The following AKAP13 variants were observed in gnomAD, a reference collection of about 807,000 sequenced individuals.
AKAP13 encodes A-kinase anchor protein 13.
A neutral mutation model predicts 264.5 loss-of-function variants in AKAP13; 80 were observed. That is an observed-to-expected ratio of 0.30 (90% CI 0.25 to 0.36). The LOEUF is 0.36. Among genes scored for constraint, AKAP13 ranks in the 10% least tolerant of loss-of-function variants. The pLI is 1.00. For synonymous variants in AKAP13, 1,380 were observed against 1,250.2 expected, an observed-to-expected ratio of 1.10 and a Z score of -2.19; for missense variants, 3,712 against 3,435.2, an observed-to-expected ratio of 1.08 and a Z score of -2.01.
At position 85,579,385 on chromosome 15, in the gene AKAP13, G is replaced by C. The variant is rs377063800; in HGVS notation, c.1317G>C (p.Leu439=). Residue 439 remains leucine (L), a synonymous_variant, in exon 7 of 37, where the codon CTG becomes CTC. Coordinates refer to ENST00000394518, the MANE Select transcript of AKAP13 (RefSeq NM_007200.5). ...GAATGCCCACAGACCAGGAGTCCCT[G>C]AGCAGTGGAGATGCTGTGCTTCAGA... is the stretch of plus-strand genomic sequence containing the variant. ...SSGMPTDQES[L]SSGDAVLQRD... is the part of the protein sequence containing the mutation. The C allele has an allele frequency of 6.2e-7, 1 of 1,614,094 alleles. No homozygotes were observed. Among genetic ancestry groups the C allele is most frequent in the Non-Finnish European group, 8.5e-7 (1 of 1,180,048 alleles).
intron 1 of AKAP13, among the ~76,000 whole-genome samples, chr15:85,448,848 C>CTTTTTTTTTTT (rs368790274): frequency 7.7e-6 from 1 of 129,618 alleles, no homozygotes; most frequent in Non-Finnish European, 1.7e-5. Context: ...GCTATTCAGG[C>CTTTTTTTTTTT]TTTTTTTTTT....
At chr15:85,438,984 A>C (rs1319941126) in intron 1 of AKAP13, among the ~76,000 whole-genome samples, 32 of 145,480 alleles carry the variant, frequency 2.2e-4, no homozygotes, top group East Asian at 1.2e-3. Flanking sequence ...TAATTAAACT[A>C]AAGAGCTTCT....
intron 14 of AKAP13, among the ~76,000 whole-genome samples, chr15:85,674,291 C>A (rs1195918755): frequency 2.0e-5 from 3 of 152,136 alleles, no homozygotes; most frequent in Non-Finnish European, 4.4e-5. Context: ...GAAAATTCCA[C>A]ATATAAGGCC....
At chr15:85,543,381 A>G (rs1028559292) in intron 4 of AKAP13, among the ~76,000 whole-genome samples, 9 of 152,184 alleles carry the variant, frequency 5.9e-5, no homozygotes, top group African/African-American at 1.9e-4. Flanking sequence ...CTTGGACCTC[A>G]TGTTGTGGGG....
Position 85,684,729 on chromosome 15 carries a change from G to A in AKAP13, c.5157-12G>A. On this transcript the variant is annotated splice_polypyrimidine_tract_variant and intron_variant, in intron 15 of 36. Coordinates refer to ENST00000394518, the MANE Select transcript of AKAP13 (RefSeq NM_007200.5). ...CCCTTTAAAAAAAATCAATCTTCTT[G>A]TTTTTATTTAGTATAACAGAAGAGA... 6.2e-7 allele frequency: 1 copy of A among 1,600,122 alleles called. No homozygotes were observed. The highest frequency in any genetic ancestry group is 8.5e-7 in the Non-Finnish European group (1 of 1,175,962).
At chr15:85,587,033 C>G (rs1435312913) in intron 8 of AKAP13, among the ~76,000 whole-genome samples, 1 of 151,900 alleles carries the variant, frequency 6.6e-6, no homozygotes, top group African/African-American at 2.4e-5. Context: ...TCCACCCAAT[C>G]AAATAAAGTG....
At chr15:85,532,392 G>A (rs1465809425) in intron 3 of AKAP13, among the ~76,000 whole-genome samples, 1 of 152,216 alleles carries the variant, frequency 6.6e-6, no homozygotes, top group Admixed American at 6.5e-5. Context: ...TCAGTCGCAG[G>A]GACCATGTAG....
intron 12 of AKAP13, among the ~76,000 whole-genome samples, chr15:85,663,733 C>A (rs1040661594): frequency 6.6e-6 from 1 of 152,158 alleles, no homozygotes; most frequent in Non-Finnish European, 1.5e-5. Context: ...GTTAGCAACC[C>A]AAGGAGGTTA....
At chr15:85,602,813 C>A (rs953169858) in intron 8 of AKAP13, among the ~76,000 whole-genome samples, 1 of 152,176 alleles carries the variant, frequency 6.6e-6, no homozygotes, top group Non-Finnish European at 1.5e-5. Context: ...GAATCTTTTA[C>A]TCATGCATAA....
At chr15:85,667,260 C>G (rs952703856) in intron 13 of AKAP13, among the ~76,000 whole-genome samples, 1 of 152,134 alleles carries the variant, frequency 6.6e-6, no homozygotes, top group East Asian at 1.9e-4. Context: ...AACACTTATG[C>G]TTGTGTGAGA....
At chr15:85,448,168 C>G (rs1015605553) in intron 1 of AKAP13, among the ~76,000 whole-genome samples, 4 of 151,820 alleles carry the variant, frequency 2.6e-5, no homozygotes, top group Non-Finnish European at 5.9e-5. Flanking sequence ...ACATGTATGT[C>G]TTCTTTTGAG....
At chr15:85,627,008 C>A (rs929945422) in intron 8 of AKAP13, among the ~76,000 whole-genome samples, 1 of 152,110 alleles carries the variant, frequency 6.6e-6, no homozygotes, top group Non-Finnish European at 1.5e-5. Flanking sequence ...TGCACACTTA[C>A]TTTTGTCCTG....
rs1290597978 is a variant in AKAP13 at position 85,581,000 on chromosome 15, C to T, written c.2932C>T (p.Leu978Phe). Residue 978 changes from leucine (L) to phenylalanine (F), a missense_variant, in exon 7 of 37, where the codon CTT becomes TTT. Transcript: ENST00000394518. ...AGCTGACTGTGCCAAGGACAAAGCA[C>T]TTCAGCTAAGTAATTCACCGGGTGC... ...ISADCAKDKA[L>F]QLSNSPGASS... 4 of 1,613,798 alleles carry T rather than the reference C, an allele frequency of 2.5e-6. No individual in the cohort carries two copies. The highest frequency in any genetic ancestry group is 4.5e-5 in the East Asian group (2 of 44,898).
Position 85,693,310 on chromosome 15 carries a change from A to G in AKAP13, c.5323A>G (p.Lys1775Glu), listed in dbSNP as rs1418578214. 6.2e-7 allele frequency: 1 copy of G among 1,606,410 alleles called. No individual in the cohort carries two copies. The highest frequency in any genetic ancestry group is 1.3e-5 in the African/African-American group (1 of 74,212). ...KEKEKDKIKE[K>E]EKDSKDKEKD... ...AAAAGAAAAAGATAAGATTAAGGAG[A>G]AGGAGAAAGATTCTAAAGACAAGGA... Residue 1775 changes from lysine (K) to glutamate (E), a missense_variant, in exon 17 of 37, where the codon AAG becomes GAG. Physicochemically the swap from Lys to Glu is moderately conservative, Grantham distance 56. This residue lies in a region of AKAP13 where 2,759 missense variants were observed against 2,411.7 expected (regional missense o/e 1.14). Transcript: ENST00000394518.
chr15:85,743,800 C>T lies in AKAP13; in HGVS notation c.8367C>T (p.Asn2789=), dbSNP rs35368099. 1.2e-6 allele frequency: 2 copies of T among 1,611,498 alleles called. No homozygotes were observed. Among genetic ancestry groups the T allele is most frequent in the South Asian group, 1.1e-5 (1 of 90,952 alleles). The part of the protein sequence containing the change: ...PKEKKEKKKK[N]KTSRSQPGDG... ...AAAAGAAGGAGAAAAAAAAGAAGAA[C>T]AAAACCAGCCGCTCTCAGCCCGGTG... is the stretch of plus-strand genomic sequence containing the variant. The change falls in exon 36 of 37, where the codon AAC becomes AAT. Residue 2789 remains asparagine (N), a synonymous_variant. Transcript: ENST00000394518.
At position 85,735,164 on chromosome 15, in the gene AKAP13, A is replaced by C. The variant is rs17638180; in HGVS notation, c.7441+14A>C. ...ATGCTTCAAAAGGTAAATGATGTGA[A>C]GTCATGAGCTTTTATAGGCAATCCT... On this transcript the variant is annotated intron_variant, in intron 31 of 36. Transcript: ENST00000394518. 324,010 of 1,611,120 alleles carry C rather than the reference A, an allele frequency of 0.2. 36,285 individuals carry two copies. The highest frequency in any genetic ancestry group is 0.23 in the Non-Finnish European group (275,901 of 1,178,606).
chr15:85,508,335 G>A (rs1417797129), intron 2 of AKAP13, among the ~76,000 whole-genome samples: 1 of 151,912 alleles, frequency 6.6e-6, no homozygotes, highest in Non-Finnish European at 1.5e-5. Flanking sequence ...TAGAGATGGG[G>A]TTTTGCTGTG....
At chr15:85,442,474 ATTATATAATATATATAATATATAT>A (rs2073712155) in intron 1 of AKAP13, among the ~76,000 whole-genome samples, 1 of 123,106 alleles carries the variant, frequency 8.1e-6, no homozygotes, top group Admixed American at 9.0e-5. Context: ...CATAATATAT[ATTATATAATATATATAATATATAT>A]TATATTATAT....
Position 85,502,632 on chromosome 15 carries a change from C to T in AKAP13, c.33+16879C>T, listed in dbSNP as rs1306829908. Among the ~76,000 whole-genome samples the T allele has an allele frequency of 1.3e-5, 2 of 152,082 alleles. 1 individual carries two copies. The highest frequency in any genetic ancestry group is 6.3e-3 in the Middle Eastern group (2 of 316). On this transcript the variant is annotated intron_variant, in intron 2 of 36. Coordinates refer to ENST00000394518, the MANE Select transcript of AKAP13 (RefSeq NM_007200.5). The stretch of plus-strand genomic sequence containing the variant: ...TTGTGAAATGGTTTTACTGGTAACA[C>T]TAGATAAGAAAAGTGATAATGTCTG...
Sources: gnomAD v4.1 joint callset for allele counts (sites outside exome capture counted in the v4.1 genomes callset) on GRCh38, gnomAD v4.1.1 for gene constraint, gnomAD v4.1.1 regional missense constraint, MANE v1.5 for transcripts, NCBI Gene and HGNC (gene_info 2026-07-23, HGNC 2026-07-21) for gene names.